TTLL5: variants seen among roughly 807,000 people sequenced by gnomAD.
TTLL5 encodes the protein tubulin tyrosine ligase like 5.
In TTLL5, 132 loss-of-function variants were observed where a neutral mutation model predicts 168.4. The observed-to-expected ratio is 0.78, with a 90% CI of 0.68 to 0.91. The LOEUF (loss-of-function observed/expected upper bound fraction) is 0.91, where lower values mean the gene tolerates loss of function less well. Ranked by LOEUF, TTLL5 falls within the 40% of genes least tolerant of loss-of-function variation. TTLL5 has a pLI of 0.00. For synonymous variants in TTLL5, 546 were observed against 558.6 expected (o/e 0.98, Z 0.32); for missense variants, 1,545 against 1,581.5 (o/e 0.98, Z 0.39).
intron 26 of TTLL5, among the ~76,000 whole-genome samples, chr14:75,785,158 T>A (rs1040222430): frequency 6.6e-6 from 1 of 151,384 alleles, no homozygotes; most frequent in Admixed American, 6.6e-5. Flanking sequence ...CCTAATCAAG[T>A]GTCACAGAGA....
At chr14:75,748,166 A>G (rs924466506) in intron 17 of TTLL5, among the ~76,000 whole-genome samples, 3 of 152,074 alleles carry the variant, frequency 2.0e-5, no homozygotes, top group Non-Finnish European at 4.4e-5. Context: ...ATTTCAAATA[A>G]CTTGTAAACT....
rs780210020 is a variant in TTLL5, at chr14:75,766,206, A to G, written c.1853A>G (p.Tyr618Cys). The change falls in exon 20 of 32, where the codon TAT becomes TGT. Residue 618 changes from tyrosine (Y) to cysteine (C), a missense_variant. Physicochemically the swap from Tyr to Cys is radical, Grantham distance 194 (BLOSUM62 -2). Coordinates refer to ENST00000298832, the MANE Select transcript of TTLL5 (RefSeq NM_015072.5). ...TTTCTTAGAGAAAATCAAGCCAAAT[A>G]TACACCCTCATTGACAGCTTTGGTA... ...AGFLRENQAK[Y>C]TPSLTALVEN... 8 of 1,614,088 alleles carry G rather than the reference A, an allele frequency of 5.0e-6. No homozygotes were observed. In the East Asian group the frequency reaches 6.7e-5, roughly 13 times the overall value.
chr14:75,817,640 C>A (rs1322385283), intron 27 of TTLL5, among the ~76,000 whole-genome samples: 1 of 151,906 alleles, frequency 6.6e-6, no homozygotes, highest in East Asian at 1.9e-4. Flanking sequence ...TTATTAGGCC[C>A]TTAGAACATT....
intron 17 of TTLL5, among the ~76,000 whole-genome samples, chr14:75,747,536 A>AT (rs750667885): frequency 0.01 from 1,428 of 140,646 alleles, 9 homozygotes; most frequent in African/African-American, 0.027. Flanking sequence ...ACCCTTTTGA[A>AT]TTTTTTTTTT....
rs538055147 is a variant in TTLL5 at position 75,852,764 on chromosome 14, G to A, written c.3327-10903G>A. On this transcript the variant is annotated intron_variant, in intron 28 of 31. Transcript: ENST00000298832. ...AGAATCAAAGCACTTGTCACCATGA[G>A]TGTGAACTCTTGGCAGGTCCGTCTA... 2.0e-5 allele frequency among the ~76,000 whole-genome samples: 3 copies of A among 152,170 alleles called. No individual in the cohort carries two copies. The South Asian group carries it at 6.2e-4, about 32-fold the overall frequency.
intron 3 of TTLL5, among the ~76,000 whole-genome samples, chr14:75,678,484 T>TA (rs1190852644): frequency 1.5e-4 from 23 of 152,328 alleles, no homozygotes; most frequent in Admixed American, 6.5e-5. Context: ...TCTTCTATAG[T>TA]GGTTTTTTGT....
At chr14:75,706,747 CTTATTTATTTAT>C (rs537009993) in intron 7 of TTLL5, among the ~76,000 whole-genome samples, 24 of 151,090 alleles carry the variant, frequency 1.6e-4, no homozygotes, top group African/African-American at 4.4e-4. Flanking sequence ...GGCTATTAGG[CTTATTTATTTAT>C]TTATTTATTT....
chr14:75,934,267 A>G (rs2034367612), intron 31 of TTLL5, among the ~76,000 whole-genome samples: 1 of 152,212 alleles, frequency 6.6e-6, no homozygotes, highest in South Asian at 2.1e-4. Flanking sequence ...GCCTTCCAGG[A>G]GGAGGAGTCA....
intron 17 of TTLL5, among the ~76,000 whole-genome samples, chr14:75,752,481 A>T (rs1890010493): frequency 6.6e-6 from 1 of 152,236 alleles, no homozygotes; most frequent in South Asian, 2.1e-4. Context: ...TGGGAATAAC[A>T]TGATTGAAAC....
chr14:75,851,478 T>C (rs138142683), intron 28 of TTLL5, among the ~76,000 whole-genome samples: 130 of 152,322 alleles, frequency 8.5e-4, no homozygotes, highest in African/African-American at 2.8e-3. Flanking sequence ...GATTTGGTAA[T>C]CTTTCTCATT....
Position 75,766,386 on chromosome 14 carries a change from T to C in TTLL5, c.2015+18T>C. The C allele has an allele frequency of 6.3e-7, 1 of 1,584,164 alleles. No individual in the cohort carries two copies. Among genetic ancestry groups the C allele is most frequent in the Non-Finnish European group, 8.6e-7 (1 of 1,167,212 alleles). ...AATCTTAGGTATGTATCTTTTATAA[T>C]TATATTAGTAAAACTGATAACAGCT... On this transcript the variant is annotated intron_variant, in intron 20 of 31. Coordinates refer to ENST00000298832, the MANE Select transcript of TTLL5 (RefSeq NM_015072.5).
chr14:75,705,744 T>C (rs1014990950), intron 7 of TTLL5, among the ~76,000 whole-genome samples: 1 of 152,248 alleles, frequency 6.6e-6, no homozygotes, highest in African/African-American at 2.4e-5. Context: ...TTCTGTTGCC[T>C]TTACTGTAGC....
intron 6 of TTLL5, 95 bp downstream of exon 6, chr14:75,690,417 T>C: frequency 1.4e-6 from 2 of 1,447,420 alleles, no homozygotes; most frequent in Non-Finnish European, 1.8e-6. Context: ...CAATCAGGGC[T>C]TTCCAAATCC....
chr14:75,858,298 CTG>C (rs1314832444), intron 28 of TTLL5, among the ~76,000 whole-genome samples: 1 of 152,228 alleles, frequency 6.6e-6, no homozygotes, highest in Non-Finnish European at 1.5e-5. Context: ...TGGCACCAAA[CTG>C]TAGTAGAAGT....
At chr14:75,891,147 G>A (rs1472123716) in intron 30 of TTLL5, among the ~76,000 whole-genome samples, 1 of 152,094 alleles carries the variant, frequency 6.6e-6, no homozygotes, top group Non-Finnish European at 1.5e-5. Context: ...CTCTATCACC[G>A]CTTTGCACAC....
At chr14:75,733,079 T>C (rs546322450) in intron 13 of TTLL5, among the ~76,000 whole-genome samples, 1 of 152,204 alleles carries the variant, frequency 6.6e-6, no homozygotes, top group Non-Finnish European at 1.5e-5. Context: ...TTTTTAAGGA[T>C]GAGAGATATT....
At chr14:75,716,670 A>G (rs1384386842) in intron 9 of TTLL5, among the ~76,000 whole-genome samples, 4 of 152,040 alleles carry the variant, frequency 2.6e-5, no homozygotes, top group African/African-American at 9.7e-5. Flanking sequence ...ATATGGTTAC[A>G]GTGGTATGTA....
intron 31 of TTLL5, among the ~76,000 whole-genome samples, chr14:75,951,365 A>G (rs2034955397): frequency 6.6e-6 from 1 of 152,170 alleles, no homozygotes; most frequent in Non-Finnish European, 1.5e-5. Context: ...ATAAATACAT[A>G]ACCTTTTCTG....
At chr14:75,812,778 T>C (rs1009262940) in intron 27 of TTLL5, among the ~76,000 whole-genome samples, 1 of 152,160 alleles carries the variant, frequency 6.6e-6, no homozygotes, top group Admixed American at 6.5e-5. Context: ...CTACCATTCC[T>C]GGTAACAAGT....
Sources: gnomAD v4.1 joint callset for allele counts (sites outside exome capture counted in the v4.1 genomes callset) on GRCh38, gnomAD v4.1.1 for gene constraint, MANE v1.5 for transcripts, NCBI Gene and HGNC (gene_info 2026-07-23, HGNC 2026-07-21) for gene names.